DNER: variants seen among roughly 807,000 people sequenced by gnomAD.
The protein encoded by DNER is delta/notch like EGF repeat containing.
DNER carries 33 observed loss-of-function variants against 78.2 expected under a neutral mutation model. The observed-to-expected ratio is 0.42, with a 90% CI of 0.32 to 0.56. The LOEUF (loss-of-function observed/expected upper bound fraction) is 0.56, where lower values mean the gene tolerates loss of function less well. Ranked by LOEUF, DNER falls within the 20% of genes least tolerant of loss-of-function variation. The probability of loss-of-function intolerance (pLI) is 0.11; values close to 1 mark genes in which losing one functional copy is unlikely to be tolerated. For missense variants in DNER, 918 were observed against 975.3 expected (o/e 0.94, Z 0.78); for synonymous variants, 417 against 384.8 (o/e 1.08, Z -0.98).
intron 4 of DNER, among the ~76,000 whole-genome samples, chr2:229,573,390 T>G (rs1697248488): frequency 6.6e-6 from 1 of 152,168 alleles, no homozygotes; most frequent in Non-Finnish European, 1.5e-5. Flanking sequence ...AACTAGACAA[T>G]TTTCTTCTGC....
chr2:229,393,590 G>A (rs1469520415), intron 10 of DNER, among the ~76,000 whole-genome samples: 1 of 152,146 alleles, frequency 6.6e-6, no homozygotes, highest in African/African-American at 2.4e-5. Context: ...GCTCACACCT[G>A]TAATCCCAGC....
chr2:229,703,044 AT>A (rs903423979), intron 1 of DNER, among the ~76,000 whole-genome samples: 26 of 151,876 alleles, frequency 1.7e-4, no homozygotes, highest in African/African-American at 4.8e-4. Context: ...CACCTGTGGT[AT>A]TCTAAAAAGC....
Position 229,612,922 on chromosome 2 carries a change from C to T in DNER, c.277-21034G>A, listed in dbSNP as rs1313522495. On this transcript the variant is annotated intron_variant, in intron 1 of 12. Transcript: ENST00000341772. ...CAAGAACGTATTCCAATATACAAAA[C>T]TATTTTGGACCAAAATATGTATTTG... Among the ~76,000 whole-genome samples the T allele has an allele frequency of 3.3e-5, 5 of 152,180 alleles. No individual in the cohort carries two copies. In the East Asian group the frequency reaches 7.7e-4, roughly 23 times the overall value.
chr2:229,491,406 GCTCTCAT>G (rs1695396833), intron 6 of DNER, among the ~76,000 whole-genome samples: 1 of 152,146 alleles, frequency 6.6e-6, no homozygotes, highest in Non-Finnish European at 1.5e-5. Context: ...ATCAGGTGAA[GCTCTCAT>G]GACCCAATCA....
intron 6 of DNER, among the ~76,000 whole-genome samples, chr2:229,482,557 G>A (rs564205978): frequency 6.6e-6 from 1 of 152,086 alleles, no homozygotes; most frequent in Non-Finnish European, 1.5e-5. Context: ...TCCGAATCTC[G>A]CCAAGCTTCT....
chr2:229,363,691 T>A (rs1240777566), intron 12 of DNER, among the ~76,000 whole-genome samples: 1 of 152,234 alleles, frequency 6.6e-6, no homozygotes, highest in African/African-American at 2.4e-5. Context: ...GCTTTCAAGT[T>A]TATTCTTTCC....
intron 7 of DNER, among the ~76,000 whole-genome samples, chr2:229,460,121 C>T (rs1340584785): frequency 8.1e-6 from 1 of 124,182 alleles, no homozygotes; most frequent in Non-Finnish European, 1.6e-5. Flanking sequence ...CGCGCCACTA[C>T]ACTCCAGCCT....
intron 5 of DNER, among the ~76,000 whole-genome samples, chr2:229,536,697 T>C (rs1424726443): frequency 1.3e-5 from 2 of 152,246 alleles, no homozygotes; most frequent in African/African-American, 4.8e-5. Context: ...TATTTCTATA[T>C]GTTAAACATT....
intron 11 of DNER, among the ~76,000 whole-genome samples, chr2:229,387,893 T>G (rs7568906): frequency 0.23 from 16,698 of 71,912 alleles, 1,529 homozygotes; most frequent in East Asian, 0.58. Context: ...GTGTGTGTGT[T>G]TTTTAATTTT....
chr2:229,541,862 A>C (rs1185692097), intron 5 of DNER, among the ~76,000 whole-genome samples: 9 of 145,290 alleles, frequency 6.2e-5, no homozygotes. Flanking sequence ...GTGATTATAT[A>C]TAATTTATAT....
intron 1 of DNER, among the ~76,000 whole-genome samples, chr2:229,621,539 C>T (rs531304325): frequency 7.9e-5 from 12 of 152,168 alleles, no homozygotes; most frequent in Admixed American, 5.9e-4. Context: ...CTGGATGCAC[C>T]TGGCCTCACC....
chr2:229,426,909 T>A (rs1559348694), intron 8 of DNER, among the ~76,000 whole-genome samples: 1 of 152,182 alleles, frequency 6.6e-6, no homozygotes, highest in Non-Finnish European at 1.5e-5. Context: ...GAGGAAGTTG[T>A]GTAAGTCAAT....
Position 229,475,205 on chromosome 2 carries a change from T to C in DNER, c.1261+1935A>G, listed in dbSNP as rs566675435. 6.6e-5 allele frequency among the ~76,000 whole-genome samples: 10 copies of C among 152,258 alleles called. No individual in the cohort carries two copies. The South Asian group carries it at 2.1e-3, about 32-fold the overall frequency. On this transcript the variant is annotated intron_variant, in intron 7 of 12. Coordinates refer to ENST00000341772, the MANE Select transcript of DNER (RefSeq NM_139072.4). ...AAAAACACCAAGATGCAGGGAGGTA[T>C]AAAATCACATGCCCATGGGACAAAG... is the stretch of plus-strand genomic sequence containing the variant.
In DNER at chr2:229,458,399, CAG is replaced by C. The variant is rs562319732; in HGVS notation, c.1262-10861_1262-10860del. On this transcript the variant is annotated intron_variant, in intron 7 of 12. Coordinates refer to ENST00000341772, the MANE Select transcript of DNER (RefSeq NM_139072.4). ...AAAGAAAAACTGCTAGCAAGAGAAA[CAG>C]AAATTATCAGAGAAGAAGCCCTTTC... Among the ~76,000 whole-genome samples the C allele has an allele frequency of 9.0e-4, 137 of 151,810 alleles. 2 individuals are homozygous for C. The highest frequency in any genetic ancestry group is 3.0e-3 in the African/African-American group (125 of 41,342).
At chr2:229,684,161 AGAGAGAGAGTGTGT>A (rs1699440736) in intron 1 of DNER, among the ~76,000 whole-genome samples, 3 of 135,252 alleles carry the variant, frequency 2.2e-5, no homozygotes, top group African/African-American at 5.8e-5. Context: ...AGAGAGAGAG[AGAGAGAGAGTGTGT>A]GTGTGTGTGT....
intron 11 of DNER, 147 bp from the exon 12 acceptor site, chr2:229,367,266 G>T: frequency 8.4e-7 from 1 of 1,184,352 alleles, no homozygotes; most frequent in Non-Finnish European, 1.2e-6. Flanking sequence ...CAGACCCAGG[G>T]TTAATATCCT....
intron 1 of DNER, among the ~76,000 whole-genome samples, chr2:229,642,339 T>C (rs139321450): frequency 2.4e-4 from 37 of 152,290 alleles, no homozygotes; most frequent in Non-Finnish European, 5.0e-4. Flanking sequence ...TCTCTAATAA[T>C]GAGAAAGCCA....
intron 8 of DNER, among the ~76,000 whole-genome samples, chr2:229,437,893 T>C (rs554742015): frequency 1.3e-5 from 2 of 152,194 alleles, no homozygotes; most frequent in South Asian, 2.1e-4. Context: ...GTAAGAAAAA[T>C]TGCTAGTAGG....
At chr2:229,533,699 C>G (rs989358020) in intron 5 of DNER, among the ~76,000 whole-genome samples, 1 of 152,024 alleles carries the variant, frequency 6.6e-6, no homozygotes, top group Admixed American at 6.5e-5. Context: ...TCATGGAACA[C>G]CCTTTCTCCT....
Sources: gnomAD v4.1 joint callset for allele counts (sites outside exome capture counted in the v4.1 genomes callset) on GRCh38, gnomAD v4.1.1 for gene constraint, MANE v1.5 for transcripts, NCBI Gene and HGNC (gene_info 2026-07-23, HGNC 2026-07-21) for gene names.